VSTM1: variants seen among roughly 807,000 people sequenced by gnomAD.
The protein encoded by VSTM1 is V-set and transmembrane domain containing 1.
A neutral mutation model predicts 33.1 loss-of-function variants in VSTM1; 27 were observed. The ratio of observed to expected loss-of-function variants is 0.82; its 90% CI spans 0.60 to 1.12. The LOEUF is 1.12. Among genes scored for constraint, VSTM1 ranks in the 50% most tolerant of loss-of-function variants. The probability of loss-of-function intolerance (pLI) is 0.00; values close to 1 mark genes in which losing one functional copy is unlikely to be tolerated. For synonymous variants in VSTM1, 115 were observed against 110.3 expected, an observed-to-expected ratio of 1.04 and a Z score of -0.27; for missense variants, 304 against 288.9, an observed-to-expected ratio of 1.05 and a Z score of -0.38.
At chr19:54,051,996 A>G (rs2070862863) in intron 3 of VSTM1, among the ~76,000 whole-genome samples, 1 of 152,072 alleles carries the variant, frequency 6.6e-6, no homozygotes, top group East Asian at 1.9e-4. Context: ...CCTGGCCTCA[A>G]GTGATCAACC....
chr19:54,041,726 C>CA (rs2070280471), intron 8 of VSTM1, 53 bp downstream of exon 8: 1 of 1,585,056 alleles, frequency 6.3e-7, no homozygotes. Context: ...CACACACGAC[C>CA]AGCCCATTGT....
chr19:54,054,901 ATAAG>A (rs2071019314), intron 3 of VSTM1, among the ~76,000 whole-genome samples: 1 of 132,650 alleles, frequency 7.5e-6, no homozygotes. Flanking sequence ...GGATAGATGG[ATAAG>A]TGAGTGGATG....
intron 8 of VSTM1, 122 bp from the exon 9 acceptor site, chr19:54,041,202 C>A (rs2070244658): frequency 9.9e-7 from 1 of 1,013,380 alleles, no homozygotes; most frequent in South Asian, 2.0e-5. Flanking sequence ...GGTCCTCGGT[C>A]ACACCAGATG....
intron 3 of VSTM1, among the ~76,000 whole-genome samples, chr19:54,056,243 A>T (rs1187066604): frequency 1.5e-5 from 1 of 65,804 alleles, no homozygotes. Context: ...TTTTTTTGAG[A>T]CAGGTTCTCA....
chr19:54,051,278 C>T (rs1035266311), intron 4 of VSTM1, 132 bp downstream of exon 4: 11 of 846,262 alleles, frequency 1.3e-5, no homozygotes, highest in East Asian at 2.9e-5. Flanking sequence ...GGTGACAAAG[C>T]GAGACTCTAT....
chr19:54,062,549 C>T lies in VSTM1; in HGVS notation c.34+1195G>A, dbSNP rs113316133. Among the ~76,000 whole-genome samples the T allele has an allele frequency of 7.9e-3, 1,202 of 151,876 alleles. 15 individuals are homozygous for T. Among genetic ancestry groups the T allele is most frequent in the African/African-American group, 0.028 (1,151 of 41,422 alleles). On this transcript the variant is annotated intron_variant, in intron 1 of 8. Transcript: ENST00000338372. The stretch of plus-strand genomic sequence containing the variant: ...ACCAGCCTGGCCAACATGGTGAAAC[C>T]CCATCTCTACTAAAAACACAAAAAA...
intron 4 of VSTM1, among the ~76,000 whole-genome samples, chr19:54,049,220 T>C (rs1568462155): frequency 6.6e-6 from 1 of 152,200 alleles, no homozygotes; most frequent in Admixed American, 6.5e-5. Context: ...GAAAACATTA[T>C]GCTAAAGAGA....
chr19:54,051,427 G>T lies in VSTM1; in HGVS notation c.377C>A (p.Ala126Asp). 1 of 1,595,680 alleles carries T rather than the reference G, an allele frequency of 6.3e-7. No homozygotes were observed. The highest frequency in any genetic ancestry group is 8.5e-7 in the Non-Finnish European group (1 of 1,174,606). The stretch of plus-strand genomic sequence containing the variant: ...TATCTTACCTGTTTTCATTGAGGGA[G>T]CTTCAAGTTCATCGTGTTTATCTAG... ...VVTDKHDELE[A>D]PSMKTDTRTI... Residue 126 changes from alanine (A) to aspartate (D), a missense_variant, in exon 4 of 9, where the codon GCT becomes GAT. Transcript: ENST00000338372.
At chr19:54,045,690 TTATC>T (rs1233800248) in intron 4 of VSTM1, among the ~76,000 whole-genome samples, 26 of 152,262 alleles carry the variant, frequency 1.7e-4, no homozygotes, top group East Asian at 1.4e-3. Flanking sequence ...TTCTATCTAG[TTATC>T]TATCTATCTA....
At chr19:54,048,615 T>C (rs944568002) in intron 4 of VSTM1, among the ~76,000 whole-genome samples, 1 of 152,114 alleles carries the variant, frequency 6.6e-6, no homozygotes, top group Admixed American at 6.6e-5. Flanking sequence ...GGAAAATGAT[T>C]TGGCAGTTCC....
At chr19:54,056,204 CTTTTCTTTTCTTTTT>C (rs2071082617) in intron 3 of VSTM1, among the ~76,000 whole-genome samples, 1 of 86,480 alleles carries the variant, frequency 1.2e-5, no homozygotes, top group Admixed American at 1.3e-4. Context: ...TCTTTCTTTT[CTTTTCTTTTCTTTTT>C]TTTTTTTTTT....
At chr19:54,048,084 A>G (rs989080489) in intron 4 of VSTM1, among the ~76,000 whole-genome samples, 1 of 151,066 alleles carries the variant, frequency 6.6e-6, no homozygotes, top group African/African-American at 2.4e-5. Flanking sequence ...CAGGCTGGGG[A>G]CATCATACCT....
intron 4 of VSTM1, 71 bp from the exon 5 acceptor site, chr19:54,042,440 G>A (rs762068619): frequency 2.7e-5 from 42 of 1,542,506 alleles, no homozygotes; most frequent in Non-Finnish European, 3.4e-5. Flanking sequence ...GAGCCGAAAA[G>A]CTAAGAGAAG....
chr19:54,048,407 C>A, intron 4 of VSTM1: 1 of 346,792 alleles, frequency 2.9e-6, no homozygotes, highest in Non-Finnish European at 6.0e-6. Flanking sequence ...TGAGCCACTG[C>A]GCCCGGCAAA....
chr19:54,059,205 C>T (rs1225552227), intron 1 of VSTM1, among the ~76,000 whole-genome samples: 1 of 151,472 alleles, frequency 6.6e-6, no homozygotes, highest in Non-Finnish European at 1.5e-5. Context: ...GGACTACAGG[C>T]ACCCGCCACC....
At chr19:54,059,142 C>A (rs187648972) in intron 1 of VSTM1, among the ~76,000 whole-genome samples, 2 of 149,604 alleles carry the variant, frequency 1.3e-5, no homozygotes, top group Non-Finnish European at 3.0e-5. Flanking sequence ...TTCACTGCAA[C>A]CTCCGCCTCC....
Position 54,058,733 on chromosome 19 carries a change from C to G in VSTM1, c.35-1G>C, listed in dbSNP as rs771660779. 60 of 1,613,676 alleles carry G rather than the reference C, an allele frequency of 3.7e-5. No individual in the cohort carries two copies. Among genetic ancestry groups the G allele is most frequent in the Non-Finnish European group, 5.1e-5 (60 of 1,179,980 alleles). ...TCATCTTCGTAGCCCAGACACAGCC[C>G]TGGAAGAGAAATCTCAATGAGAGAA... On this transcript the variant is annotated splice_acceptor_variant, in intron 1 of 8. Coordinates refer to ENST00000338372, the MANE Select transcript of VSTM1 (RefSeq NM_198481.4). LOFTEE classifies it high-confidence loss of function.
intron 4 of VSTM1, among the ~76,000 whole-genome samples, chr19:54,044,814 G>A (rs1351986110): frequency 6.6e-6 from 1 of 152,160 alleles, no homozygotes; most frequent in Non-Finnish European, 1.5e-5. Flanking sequence ...AGAGCAACCT[G>A]TTACTAAAGC....
chr19:54,047,010 A>G (rs2146062450), intron 4 of VSTM1, among the ~76,000 whole-genome samples: 1 of 152,260 alleles, frequency 6.6e-6, no homozygotes, highest in South Asian at 2.1e-4. Flanking sequence ...AGCCTGACCA[A>G]CATGGAGAAA....
Sources: allele counts gnomAD v4.1 joint callset (sites outside exome capture counted in the v4.1 genomes callset), GRCh38; gene constraint gnomAD v4.1.1; transcripts MANE v1.5; gene names NCBI Gene and HGNC (gene_info 2026-07-23, HGNC 2026-07-21).